LY86: variants seen among roughly 807,000 people sequenced by gnomAD.
LY86 encodes MD-1, RP105-associated.
Under a neutral mutation model 17.3 loss-of-function variants are expected in LY86, and 20 were observed. The observed-to-expected ratio is 1.15, with a 90% CI of 0.81 to 1.68. The LOEUF (loss-of-function observed/expected upper bound fraction) is 1.68. LY86 is among the 40% of genes most tolerant of loss of function. LY86 has a pLI of 0.00. For synonymous variants in LY86, 74 were observed against 70.6 expected (o/e 1.05, Z -0.24); for missense variants, 200 against 191.9 (o/e 1.04, Z -0.25).
intron 1 of LY86, among the ~76,000 whole-genome samples, chr6:6,599,120 T>C (rs1760818009): frequency 6.6e-6 from 1 of 152,222 alleles, no homozygotes; most frequent in South Asian, 2.1e-4. Flanking sequence ...GATCTATCCA[T>C]ATGGATGGAA....
Position 6,624,937 on chromosome 6 carries a change from G to A in LY86, c.148G>A (p.Asp50Asn). The A allele has an allele frequency of 6.5e-7, 1 of 1,543,306 alleles. No homozygotes were observed. Among genetic ancestry groups the A allele is most frequent in the Non-Finnish European group, 8.9e-7 (1 of 1,123,760 alleles). Residue 50 changes from aspartate (D) to asparagine (N), a missense_variant, in exon 2 of 5, where the codon GAT (aspartate) becomes AAT (asparagine). Coordinates refer to ENST00000230568, the MANE Select transcript of LY86 (RefSeq NM_004271.4). ...VLYQSCDPLQ[D>N]FGFSVEKCSK... is the part of the protein sequence containing the mutation. The stretch of plus-strand genomic sequence containing the variant: ...TTTCTTCTTCGTAGATCCATTACAA[G>A]ATTTTGGCTTTTCTGTTGAAAAGTG...
intron 4 of LY86, among the ~76,000 whole-genome samples, chr6:6,653,901 T>C (rs1762222674): frequency 6.6e-6 from 1 of 152,212 alleles, no homozygotes; most frequent in Non-Finnish European, 1.5e-5. Flanking sequence ...ATCTCTCACC[T>C]GGATTCCTGC....
intron 1 of LY86, 76 bp from the exon 2 acceptor site, chr6:6,624,850 T>C (rs955987499): frequency 5.9e-6 from 4 of 679,054 alleles, no homozygotes; most frequent in Non-Finnish European, 1.0e-5. Flanking sequence ...GTGAAAACAA[T>C]ATTGTTGCAA....
At chr6:6,644,087 T>G (rs999275375) in intron 3 of LY86, among the ~76,000 whole-genome samples, 9 of 152,220 alleles carry the variant, frequency 5.9e-5, no homozygotes, top group African/African-American at 1.9e-4. Context: ...AATGTACATT[T>G]TATAATAAAT....
At chr6:6,617,427 A>G (rs1257992921) in intron 1 of LY86, among the ~76,000 whole-genome samples, 1 of 152,258 alleles carries the variant, frequency 6.6e-6, no homozygotes, top group African/African-American at 2.4e-5. Context: ...ACAGAAGACT[A>G]TAAAATGTTG....
At chr6:6,592,453 C>T (rs374465461) in intron 1 of LY86, among the ~76,000 whole-genome samples, 2 of 152,050 alleles carry the variant, frequency 1.3e-5, no homozygotes, top group East Asian at 3.9e-4. Context: ...AGCATATACA[C>T]GAAGATGTGA....
intron 1 of LY86, among the ~76,000 whole-genome samples, chr6:6,614,139 T>A (rs1230060154): frequency 2.6e-5 from 4 of 152,062 alleles, no homozygotes; most frequent in Non-Finnish European, 5.9e-5. Flanking sequence ...TGACTTTCCA[T>A]CTCCAAAAGT....
At chr6:6,627,043 T>C (rs1040518484) in intron 3 of LY86, among the ~76,000 whole-genome samples, 2 of 152,148 alleles carry the variant, frequency 1.3e-5, no homozygotes, top group African/African-American at 2.4e-5. Context: ...CTTTCCTCCT[T>C]GTCTTTACCC....
At chr6:6,590,471 C>G (rs976455459) in intron 1 of LY86, among the ~76,000 whole-genome samples, 1 of 151,894 alleles carries the variant, frequency 6.6e-6, no homozygotes, top group African/African-American at 2.4e-5. Context: ...CTGCAGTTGG[C>G]TGAGAGTAAC....
intron 1 of LY86, among the ~76,000 whole-genome samples, chr6:6,611,457 C>T (rs1761329615): frequency 6.6e-6 from 1 of 152,188 alleles, no homozygotes; most frequent in South Asian, 2.1e-4. Context: ...GGGCTCAGAA[C>T]AGGACCTGCT....
rs1359911349 is a variant in LY86, at chr6:6,624,931, T to C, written c.142T>C (p.Leu48=). 2.0e-6 allele frequency: 3 copies of C among 1,516,558 alleles called. No homozygotes were observed. The Admixed American group carries it at 5.3e-5, about 27-fold the overall frequency. 93.9% of individuals were successfully genotyped at this position (1,516,558 alleles called of 1,614,324 possible). A position where few individuals can be genotyped will look rare whatever the true frequency, so the allele number is the denominator to read the frequency against. The change falls in exon 2 of 5, where the codon TTA becomes CTA. Residue 48 remains leucine, a synonymous_variant. Transcript: ENST00000230568. ...LEVLYQSCDP[L]QDFGFSVEKC... ...TATTGTTTTCTTCTTCGTAGATCCA[T>C]TACAAGATTTTGGCTTTTCTGTTGA...
intron 1 of LY86, among the ~76,000 whole-genome samples, chr6:6,614,103 G>A (rs916206030): frequency 6.6e-6 from 1 of 152,144 alleles, no homozygotes; most frequent in Non-Finnish European, 1.5e-5. Flanking sequence ...AAGAAAATCA[G>A]TGTTTAGGAA....
chr6:6,601,803 G>T (rs1280278764), intron 1 of LY86, among the ~76,000 whole-genome samples: 1 of 152,214 alleles, frequency 6.6e-6, no homozygotes, highest in African/African-American at 2.4e-5. Context: ...GGAAACTGCT[G>T]TTTCCCTCCA....
Position 6,649,664 on chromosome 6 carries a change from T to C in LY86, c.392T>C (p.Phe131Ser). 1 of 1,571,350 alleles carries C rather than the reference T, an allele frequency of 6.4e-7. No homozygotes were observed. Among genetic ancestry groups the C allele is most frequent in the Non-Finnish European group, 8.7e-7 (1 of 1,145,662 alleles). The change falls in exon 4 of 5, where the codon TTT becomes TCT. Residue 131 changes from phenylalanine to serine, a missense_variant. By Grantham distance (155) the Phe-to-Ser change is radical. Transcript: ENST00000230568. ...YYAGPVNNPE[F>S]TIPQGEYQVL... is the part of the protein sequence containing the mutation. ...GCTGGGCCTGTCAATAATCCTGAATTTACTATTCCTCAGGTAAGATATTAC... is the reference window on the plus strand; with the variant it reads ...GCTGGGCCTGTCAATAATCCTGAATCTACTATTCCTCAGGTAAGATATTAC...
chr6:6,615,639 T>G (rs1761534889), intron 1 of LY86, among the ~76,000 whole-genome samples: 1 of 151,280 alleles, frequency 6.6e-6, no homozygotes, highest in South Asian at 2.1e-4. Flanking sequence ...TGAGAATCCC[T>G]TGAGCCTGGG....
chr6:6,644,355 C>T (rs751116896), intron 3 of LY86, among the ~76,000 whole-genome samples: 5 of 152,156 alleles, frequency 3.3e-5, no homozygotes, highest in Non-Finnish European at 7.3e-5. Context: ...GAAACTCCAT[C>T]TCTACAAAAA....
intron 1 of LY86, among the ~76,000 whole-genome samples, chr6:6,615,977 TA>T (rs1327067472): frequency 5.3e-5 from 8 of 152,244 alleles, no homozygotes; most frequent in African/African-American, 1.9e-4. Context: ...TCTGCAACTG[TA>T]ATGAGAATAG....
intron 3 of LY86, among the ~76,000 whole-genome samples, chr6:6,628,481 T>C (rs935324177): frequency 5.3e-5 from 8 of 152,070 alleles, no homozygotes; most frequent in African/African-American, 7.2e-5. Flanking sequence ...TTAGCATGTG[T>C]GGCCCACTTG....
Position 6,635,231 on chromosome 6 carries a change from C to T in LY86, c.352+8810C>T, listed in dbSNP as rs190592740. On this transcript the variant is annotated intron_variant, in intron 3 of 4. Coordinates refer to ENST00000230568, the MANE Select transcript of LY86 (RefSeq NM_004271.4). ...GGGACATGTTCCAAGACCCCCAGTG[C>T]ATGCCTAAAGCCATGAATAGTAACA... Among the ~76,000 whole-genome samples, 8 of 152,310 alleles carry T rather than the reference C, an allele frequency of 5.3e-5. No individual in the cohort carries two copies. In the East Asian group the frequency reaches 1.5e-3, roughly 29 times the overall value.
Sources: gnomAD v4.1 joint callset for allele counts (sites outside exome capture counted in the v4.1 genomes callset) on GRCh38, gnomAD v4.1.1 for gene constraint, MANE v1.5 for transcripts, NCBI Gene and HGNC (gene_info 2026-07-23, HGNC 2026-07-21) for gene names.